Variants in CLSTN2 observed in about 807,000 individuals in gnomAD.
CLSTN2 encodes calsyntenin 2, also known as calsyntenin-2.
A neutral mutation model predicts 101.2 loss-of-function variants in CLSTN2; 48 were observed. The observed-to-expected ratio is 0.47, with a 90% CI of 0.38 to 0.60. CLSTN2 has a LOEUF of 0.60. Among genes scored for constraint, CLSTN2 ranks in the 20% least tolerant of loss-of-function variants. The probability of loss-of-function intolerance (pLI) is 0.00; values close to 1 mark genes in which losing one functional copy is unlikely to be tolerated. For synonymous variants in CLSTN2, 481 were observed against 463.6 expected (o/e 1.04, Z -0.48); for missense variants, 1,160 against 1,238.2 (o/e 0.94, Z 0.95).
chr3:140,454,514 GGATA>G (rs1933347148), intron 6 of CLSTN2: 1 of 152,220 alleles, frequency 6.6e-6, no homozygotes, highest in African/African-American at 2.4e-5. Context: ...TAAGGTACAC[GGATA>G]GAGAAATGGG....
At chr3:140,480,050 C>T (rs932927199) in intron 8 of CLSTN2, among the ~76,000 whole-genome samples, 2 of 152,068 alleles carry the variant, frequency 1.3e-5, no homozygotes, top group Admixed American at 6.5e-5. Flanking sequence ...GTGCTGCACC[C>T]GTTAACTCGT....
At chr3:140,046,529 G>A (rs1036972046) in intron 1 of CLSTN2, among the ~76,000 whole-genome samples, 2 of 152,120 alleles carry the variant, frequency 1.3e-5, no homozygotes, top group Non-Finnish European at 2.9e-5. Context: ...GGTTAATATT[G>A]TCATGTGTGA....
chr3:140,099,899 A>G (rs767243193), intron 1 of CLSTN2, among the ~76,000 whole-genome samples: 8 of 152,176 alleles, frequency 5.3e-5, no homozygotes, highest in Non-Finnish European at 2.9e-5. Flanking sequence ...GGTCACCTGT[A>G]AGATGTTCCT....
At chr3:140,520,479 T>C (rs1398081901) in intron 8 of CLSTN2, among the ~76,000 whole-genome samples, 3 of 152,150 alleles carry the variant, frequency 2.0e-5, no homozygotes, top group Non-Finnish European at 4.4e-5. Context: ...TCTAAAACTA[T>C]CAGATCTCAT....
intron 1 of CLSTN2, among the ~76,000 whole-genome samples, chr3:139,972,871 C>CGAAT (rs938182364): frequency 1.3e-5 from 2 of 152,100 alleles, no homozygotes; most frequent in African/African-American, 2.4e-5. Flanking sequence ...GATGGATGAA[C>CGAAT]GAATGAATGA....
intron 8 of CLSTN2, among the ~76,000 whole-genome samples, chr3:140,472,671 C>A (rs1247045950): frequency 6.6e-6 from 1 of 152,162 alleles, no homozygotes; most frequent in Non-Finnish European, 1.5e-5. Context: ...AACCAGTGTC[C>A]TAAACAGAGG....
intron 4 of CLSTN2, among the ~76,000 whole-genome samples, chr3:140,418,340 G>C (rs1488734066): frequency 6.6e-6 from 1 of 151,886 alleles, no homozygotes; most frequent in African/African-American, 2.4e-5. Flanking sequence ...AAGGGATTCC[G>C]AACACCAGCC....
At chr3:140,273,908 G>A (rs534210368) in intron 2 of CLSTN2, among the ~76,000 whole-genome samples, 1 of 152,272 alleles carries the variant, frequency 6.6e-6, no homozygotes, top group Admixed American at 6.5e-5. Flanking sequence ...AAGGGGACAG[G>A]ACTGGAGCAG....
intron 1 of CLSTN2, among the ~76,000 whole-genome samples, chr3:140,112,006 C>T (rs2009164699): frequency 6.6e-6 from 1 of 152,214 alleles, no homozygotes. Flanking sequence ...GTGCTTTACT[C>T]ATCTCACAAC....
intron 2 of CLSTN2, among the ~76,000 whole-genome samples, chr3:140,286,915 AG>A (rs1423977463): frequency 1.3e-5 from 2 of 152,186 alleles, no homozygotes; most frequent in East Asian, 3.9e-4. Flanking sequence ...CAGAAGCTGG[AG>A]GTCCTGGAAA....
intron 1 of CLSTN2, among the ~76,000 whole-genome samples, chr3:140,018,172 A>G (rs962357277): frequency 6.6e-6 from 1 of 152,200 alleles, no homozygotes; most frequent in South Asian, 2.1e-4. Context: ...TGGCTGAGCA[A>G]TTGGCTGTGG....
chr3:140,148,243 A>G (rs557677495), intron 1 of CLSTN2, among the ~76,000 whole-genome samples: 2 of 152,134 alleles, frequency 1.3e-5, no homozygotes, highest in East Asian at 3.9e-4. Flanking sequence ...GAAGGTAAAA[A>G]CATTGAGTGC....
At position 140,568,805 on chromosome 3, in the gene CLSTN2, A is replaced by G. The variant is rs1985415571; in HGVS notation, c.*2552A>G. 1.3e-5 allele frequency: 2 copies of G among 152,106 alleles called. No individual in the cohort carries two copies. 9.4% of individuals were successfully genotyped at this position (152,106 alleles called of 1,614,324 possible). ...CTTATTCATAGTTGAGAGAGCTGTT[A>G]GGTAAAATCTTTATATGTGTTGGGG... On this transcript the variant is annotated 3_prime_UTR_variant, in exon 17 of 17. Transcript: ENST00000458420.
At chr3:140,413,048 A>T (rs116616354) in intron 4 of CLSTN2, among the ~76,000 whole-genome samples, 44 of 152,310 alleles carry the variant, frequency 2.9e-4, no homozygotes, top group Non-Finnish European at 5.3e-4. Context: ...CAAAGATTAG[A>T]ACAGAAATAA....
At chr3:140,417,260 C>A (rs1021722071) in intron 4 of CLSTN2, among the ~76,000 whole-genome samples, 1 of 152,132 alleles carries the variant, frequency 6.6e-6, no homozygotes, top group Non-Finnish European at 1.5e-5. Context: ...GAACAACAAT[C>A]CATCTTATGC....
At chr3:140,381,560 A>G (rs978210664) in intron 2 of CLSTN2, among the ~76,000 whole-genome samples, 1 of 152,208 alleles carries the variant, frequency 6.6e-6, no homozygotes, top group Non-Finnish European at 1.5e-5. Context: ...ATAGCATGAT[A>G]CTTGACTTAT....
In CLSTN2 at chr3:140,291,011, C is replaced by A. The variant is rs2086941292; in HGVS notation, c.233-112618C>A. Reference sequence around the variant, plus strand: ...AACAACATAAAATTTAAATCCCTGTCTTTTCTTCACATCACCTTCAATTAC... The same window carrying A: ...AACAACATAAAATTTAAATCCCTGTATTTTCTTCACATCACCTTCAATTAC... On this transcript the variant is annotated intron_variant, in intron 2 of 16. Transcript: ENST00000458420. Among the ~76,000 whole-genome samples the A allele has an allele frequency of 2.0e-5, 3 of 152,166 alleles. No individual in the cohort carries two copies. The South Asian group carries it at 6.2e-4, about 32-fold the overall frequency.
chr3:139,952,295 T>C (rs1183347822), intron 1 of CLSTN2, among the ~76,000 whole-genome samples: 1 of 152,224 alleles, frequency 6.6e-6, no homozygotes, highest in East Asian at 1.9e-4. Context: ...TCGATTATAA[T>C]GGATGATGGG....
At chr3:140,365,037 G>T (rs2107952631) in intron 2 of CLSTN2, among the ~76,000 whole-genome samples, 1 of 152,282 alleles carries the variant, frequency 6.6e-6, no homozygotes, top group African/African-American at 2.4e-5. Flanking sequence ...AGATGCCTAG[G>T]GGCTGCCCCC....
Sources: gnomAD v4.1 joint callset for allele counts (sites outside exome capture counted in the v4.1 genomes callset) on GRCh38, gnomAD v4.1.1 for gene constraint, MANE v1.5 for transcripts, NCBI Gene and HGNC (gene_info 2026-07-23, HGNC 2026-07-21) for gene names.